JADE3: variants seen among roughly 807,000 people sequenced by gnomAD.
The protein encoded by JADE3 is protein Jade-3.
A neutral mutation model predicts 50.1 loss-of-function variants in JADE3; 2 were observed. The ratio of observed to expected loss-of-function variants is 0.04; its 90% CI spans 0.02 to 0.13. The LOEUF is 0.13. Among genes scored for constraint, JADE3 ranks in the 10% least tolerant of loss-of-function variants. The pLI is 1.00. For missense variants in JADE3, 475 were observed against 634.4 expected, an observed-to-expected ratio of 0.75 and a Z score of 2.70; for synonymous variants, 218 against 232.9, an observed-to-expected ratio of 0.94 and a Z score of 0.58.
Position 47,059,215 on chromosome X carries a change from G to A in JADE3, c.*138G>A, listed in dbSNP as rs782347120. The A allele has an allele frequency of 2.1e-6, 1 of 476,273 alleles. No individual in the cohort carries two copies. Among genetic ancestry groups the A allele is most frequent in the East Asian group, 3.9e-5 (1 of 25,681 alleles). The allele number at this position is 476,273 out of a possible 1,213,427, so 39.3% of individuals were successfully genotyped here. ...ACATTTTTCCATAGTAAATTGTCTT[G>A]CAGTTTTTGAAAATGTTTCAAGTCT... is the stretch of plus-strand genomic sequence containing the variant. On this transcript the variant is annotated 3_prime_UTR_variant, in exon 11 of 11. Transcript: ENST00000614628.
intron 4 of JADE3, among the ~76,000 whole-genome samples, chrX:47,019,502 A>G (rs1569537644): frequency 8.9e-6 from 1 of 111,847 alleles, no homozygotes; most frequent in East Asian, 2.8e-4. Flanking sequence ...TTCCTGCCTC[A>G]GCCTCCTGAG....
intron 1 of JADE3, among the ~76,000 whole-genome samples, chrX:46,941,890 A>T (rs1199200413): frequency 9.6e-6 from 1 of 103,702 alleles, no homozygotes. Context: ...GGCAGGTGCC[A>T]CCATGCCTGG....
intron 4 of JADE3, among the ~76,000 whole-genome samples, chrX:47,022,422 G>A (rs891302582): frequency 5.4e-5 from 6 of 112,111 alleles, no homozygotes; most frequent in Non-Finnish European, 1.1e-4. Context: ...ATGTGCAAAT[G>A]TGTGTCGTTG....
chrX:47,031,068 AAGTT>A (rs1556366635), intron 6 of JADE3, among the ~76,000 whole-genome samples: 1 of 110,681 alleles, frequency 9.0e-6, no homozygotes, highest in Non-Finnish European at 1.9e-5. Context: ...AAAAATGTGA[AAGTT>A]AGGGCCATTC....
intron 4 of JADE3, among the ~76,000 whole-genome samples, chrX:47,002,734 T>C (rs1219242799): frequency 9.1e-6 from 1 of 110,087 alleles, no homozygotes; most frequent in Non-Finnish European, 1.9e-5. Context: ...ACCATCATGT[T>C]ACCTGCAAAT....
At chrX:47,007,502 A>G (rs997930316) in intron 4 of JADE3, among the ~76,000 whole-genome samples, 1 of 111,428 alleles carries the variant, frequency 9.0e-6, no homozygotes, top group Non-Finnish European at 1.9e-5. Flanking sequence ...TCTTGATGAC[A>G]CTTTTATCAT....
chrX:46,981,370 T>A (rs1423383886), intron 1 of JADE3, among the ~76,000 whole-genome samples: 1 of 112,531 alleles, frequency 8.9e-6, no homozygotes, highest in African/African-American at 3.2e-5. Context: ...AGTGCTACTC[T>A]AAGTAGATCT....
At chrX:46,931,420 A>C (rs781838477) in intron 1 of JADE3, among the ~76,000 whole-genome samples, 19 of 110,870 alleles carry the variant, frequency 1.7e-4, no homozygotes, top group African/African-American at 2.3e-4. Flanking sequence ...AGTATATGTA[A>C]ATTTTTTTTT....
Position 47,058,309 on chromosome X carries a change from C to G in JADE3, c.1704C>G (p.Asp568Glu). 1.7e-6 allele frequency: 2 copies of G among 1,211,266 alleles called. No individual in the cohort carries two copies. The highest frequency in any genetic ancestry group is 2.2e-6 in the Non-Finnish European group (2 of 895,393). ...CCGATCAGCAGCCCCACTCTCCTGA[C>G]AGCAGCTCATCTGTTCACAGTATAA... ...TETDQQPHSP[D>E]SSSSVHSIRN... Residue 568 changes from aspartate to glutamate, a missense_variant, in exon 11 of 11, where the codon GAC becomes GAG. By Grantham distance (45) the Asp-to-Glu change is conservative (BLOSUM62 2). Transcript: ENST00000614628.
chrX:46,997,098 T>C (rs1602400794), intron 3 of JADE3, among the ~76,000 whole-genome samples: 2 of 112,217 alleles, frequency 1.8e-5, no homozygotes, highest in Admixed American at 1.9e-4. Context: ...TTTAGGATGT[T>C]GACACATACT....
rs781815660 is a variant in JADE3 at position 47,056,137 on chromosome X, A to G, written c.1499A>G (p.Asn500Ser). ...CGAGAGAAGCTGAAGCTGTCACACA[A>G]CAAAATACAGGAACAGATCTTCGGT... ...SRREKLKLSH[N>S]KIQEQIFGLQ... is the part of the protein sequence containing the mutation. The change falls in exon 10 of 11, where the codon AAC becomes AGC. Residue 500 changes from asparagine (N) to serine (S), a missense_variant. Transcript: ENST00000614628. The G allele has an allele frequency of 8.3e-7, 1 of 1,209,318 alleles. No individual in the cohort carries two copies. The highest frequency in any genetic ancestry group is 1.8e-5 in the South Asian group (1 of 56,755).
chrX:46,974,229 C>A (rs1383270696), intron 1 of JADE3, among the ~76,000 whole-genome samples: 1 of 111,075 alleles, frequency 9.0e-6, no homozygotes, highest in Non-Finnish European at 1.9e-5. Flanking sequence ...CATGGTGAAA[C>A]CCCGTCTCTA....
chrX:47,038,654 TAAAAAAAAAA>T (rs567645944), intron 7 of JADE3, among the ~76,000 whole-genome samples: 1 of 73,089 alleles, frequency 1.4e-5, no homozygotes, highest in Non-Finnish European at 2.5e-5. Context: ...ACCTTGTCTC[TAAAAAAAAAA>T]AAAAAAAAGA....
chrX:46,954,694 AC>A (rs1333368434), intron 1 of JADE3, among the ~76,000 whole-genome samples: 1 of 111,411 alleles, frequency 9.0e-6, no homozygotes, highest in Non-Finnish European at 1.9e-5. Context: ...AGCTGGGATT[AC>A]AGGCATGCAC....
intron 3 of JADE3, 105 bp downstream of exon 3, chrX:46,985,897 T>C (rs1421876627): frequency 1.8e-6 from 1 of 540,706 alleles, no homozygotes; most frequent in African/African-American, 2.3e-5. Flanking sequence ...GCAGGCCTAA[T>C]GGGAGATGTT....
chrX:46,952,415 CCCA>C (rs1927024285), intron 1 of JADE3, among the ~76,000 whole-genome samples: 1 of 112,026 alleles, frequency 8.9e-6, no homozygotes, highest in Non-Finnish European at 1.9e-5. Flanking sequence ...GTGTGTGCCA[CCCA>C]CCTGTCAGTC....
At chrX:47,048,123 A>T (rs1376233196) in intron 8 of JADE3, among the ~76,000 whole-genome samples, 1 of 111,598 alleles carries the variant, frequency 9.0e-6, no homozygotes, top group Non-Finnish European at 1.9e-5. Context: ...CACGTGGCTG[A>T]TGTTACTCTC....
intron 6 of JADE3, 22 bp from the exon 7 acceptor site, chrX:47,033,599 C>G: frequency 8.4e-7 from 1 of 1,184,014 alleles, no homozygotes; most frequent in South Asian, 1.9e-5. Context: ...ACCATTCTCC[C>G]CTCTCCTCCT....
chrX:46,962,177 A>G (rs1569535458), intron 1 of JADE3, among the ~76,000 whole-genome samples: 1 of 111,517 alleles, frequency 9.0e-6, no homozygotes, highest in Non-Finnish European at 1.9e-5. Flanking sequence ...CTCTAGTCAC[A>G]TATGCAGGGG....
Sources: gnomAD v4.1 joint callset for allele counts (sites outside exome capture counted in the v4.1 genomes callset) on GRCh38, gnomAD v4.1.1 for gene constraint, MANE v1.5 for transcripts, NCBI Gene and HGNC (gene_info 2026-07-23, HGNC 2026-07-21) for gene names.